Variants in CCSER1 observed in about 807,000 individuals in gnomAD.
CCSER1 encodes serine-rich coiled-coil domain-containing protein 1.
A neutral mutation model predicts 82.0 loss-of-function variants in CCSER1; 41 were observed. The ratio of observed to expected loss-of-function variants is 0.50; its 90% CI spans 0.39 to 0.65. The LOEUF is 0.65. Among genes scored for constraint, CCSER1 ranks in the 30% least tolerant of loss-of-function variants. The pLI is 0.00. For missense variants in CCSER1, 1,119 were observed against 1,064.2 expected (o/e 1.05, Z -0.72); for synonymous variants, 414 against 383.9 (o/e 1.08, Z -0.92).
intron 1 of CCSER1, among the ~76,000 whole-genome samples, chr4:90,292,002 G>A (rs746758266): frequency 7.2e-5 from 11 of 151,814 alleles, no homozygotes; most frequent in Non-Finnish European, 1.2e-4. Flanking sequence ...AAAACATTAA[G>A]TAATAGCAGA....
chr4:90,709,428 C>G (rs575603653), intron 6 of CCSER1, among the ~76,000 whole-genome samples: 16 of 152,008 alleles, frequency 1.1e-4, no homozygotes, highest in Non-Finnish European at 1.9e-4. Flanking sequence ...CTGATACTCT[C>G]TTCCCGCTCA....
chr4:91,542,979 G>T (rs1275469955), intron 10 of CCSER1, among the ~76,000 whole-genome samples: 2 of 152,102 alleles, frequency 1.3e-5, no homozygotes, highest in African/African-American at 4.8e-5. Flanking sequence ...ATGAATCTGG[G>T]TGCTCCTGTA....
chr4:90,665,053 G>A (rs1731475435), intron 6 of CCSER1, among the ~76,000 whole-genome samples: 1 of 152,000 alleles, frequency 6.6e-6, no homozygotes, highest in South Asian at 2.1e-4. Flanking sequence ...CTTGTTTAGT[G>A]AACTTATTTT....
intron 9 of CCSER1, among the ~76,000 whole-genome samples, chr4:90,966,552 C>T (rs141473052): frequency 2.0e-3 from 306 of 152,072 alleles, no homozygotes; most frequent in Middle Eastern, 6.8e-3. Context: ...AAAAACTGCG[C>T]GAATTCATTG....
At chr4:91,329,321 T>C (rs1746784515) in intron 10 of CCSER1, among the ~76,000 whole-genome samples, 1 of 152,238 alleles carries the variant, frequency 6.6e-6, no homozygotes, top group South Asian at 2.1e-4. Context: ...TAATTTCTGA[T>C]GCTGTGTGTT....
chr4:91,160,675 T>C (rs1731295160), intron 10 of CCSER1, among the ~76,000 whole-genome samples: 1 of 152,244 alleles, frequency 6.6e-6, no homozygotes, highest in African/African-American at 2.4e-5. Flanking sequence ...CATATGTCGA[T>C]TGGCTGCATA....
chr4:91,600,252 T>G lies in CCSER1; in HGVS notation c.*1195T>G, dbSNP rs1400866034. Reference sequence around the variant, plus strand: ...AATATGTTATATACTTATGTGCACTTTAGATCAATATATGAATTGATCTAT... The same window carrying G: ...AATATGTTATATACTTATGTGCACTGTAGATCAATATATGAATTGATCTAT... On this transcript the variant is annotated 3_prime_UTR_variant, in exon 11 of 11. Transcript: ENST00000509176. The G allele has an allele frequency of 6.6e-6, 1 of 152,194 alleles. No homozygotes were observed. Among genetic ancestry groups the G allele is most frequent in the Non-Finnish European group, 1.5e-5 (1 of 68,018 alleles). 9.4% of individuals were successfully genotyped at this position (152,194 alleles called of 1,614,324 possible).
intron 10 of CCSER1, among the ~76,000 whole-genome samples, chr4:91,572,223 A>G (rs1763220399): frequency 6.6e-6 from 1 of 152,120 alleles, no homozygotes. Context: ...TAGTCACTTC[A>G]AATTTTCCCA....
At chr4:90,552,789 T>C (rs534184061) in intron 5 of CCSER1, among the ~76,000 whole-genome samples, 3 of 152,306 alleles carry the variant, frequency 2.0e-5, no homozygotes, top group African/African-American at 4.8e-5. Flanking sequence ...TTTTGCGTAC[T>C]AGTCTTGTAG....
intron 10 of CCSER1, chr4:91,319,044 TC>T: frequency 4.7e-6 from 1 of 212,912 alleles, no homozygotes. Context: ...TTTAGGTTCC[TC>T]CAGTGTCCAT....
intron 3 of CCSER1, among the ~76,000 whole-genome samples, chr4:90,327,222 A>G (rs563278661): frequency 1.6e-4 from 24 of 152,186 alleles, no homozygotes; most frequent in African/African-American, 4.8e-4. Context: ...GCTCTCCTCA[A>G]AATATCTGTT....
intron 10 of CCSER1, among the ~76,000 whole-genome samples, chr4:91,288,065 T>TATATATATATACACTCATATATATATAGG (rs1743428038): frequency 2.0e-5 from 3 of 147,672 alleles, no homozygotes; most frequent in East Asian, 2.0e-4. Flanking sequence ...ATTTAGGATA[T>TATATATATATACACTCATATATATATAGG]ATATATATAT....
Position 91,191,850 on chromosome 4 carries a change from A to G in CCSER1, c.2217+105856A>G, listed in dbSNP as rs140361860. Reference sequence around the variant, plus strand: ...TCTTTTCAATTCTGATAACTACTCAATCTTCTTTTAGTAAATTCCTTTTCT... The same window carrying G: ...TCTTTTCAATTCTGATAACTACTCAGTCTTCTTTTAGTAAATTCCTTTTCT... On this transcript the variant is annotated intron_variant, in intron 10 of 10. Transcript: ENST00000509176. Among the ~76,000 whole-genome samples, 8 of 152,206 alleles carry G rather than the reference A, an allele frequency of 5.3e-5. No homozygotes were observed. The East Asian group carries it at 1.5e-3, about 29-fold the overall frequency.
At chr4:90,598,734 G>A (rs554204771) in intron 5 of CCSER1, among the ~76,000 whole-genome samples, 21 of 152,218 alleles carry the variant, frequency 1.4e-4, no homozygotes, top group African/African-American at 4.8e-4. Flanking sequence ...TCATAGAGGG[G>A]TGGTGTGGTG....
At chr4:90,563,914 C>T (rs898143272) in intron 5 of CCSER1, among the ~76,000 whole-genome samples, 10 of 152,204 alleles carry the variant, frequency 6.6e-5, no homozygotes, top group Non-Finnish European at 1.3e-4. Flanking sequence ...AGTGTGCTAG[C>T]GTTGCCTTTT....
intron 9 of CCSER1, among the ~76,000 whole-genome samples, chr4:91,049,883 G>C (rs1466151178): frequency 2.0e-5 from 3 of 152,100 alleles, no homozygotes; most frequent in Non-Finnish European, 2.9e-5. Flanking sequence ...ATCTTTGACG[G>C]GTAGAACACA....
Position 90,374,988 on chromosome 4 carries a change from A to C in CCSER1, c.1510-25048A>C, listed in dbSNP as rs555128508. On this transcript the variant is annotated intron_variant, in intron 3 of 10. Transcript: ENST00000509176. The stretch of plus-strand genomic sequence containing the variant: ...GAATGGGCTCCTAAATAATCAACTC[A>C]AAAATAATTCTCACTCTACTCCCTT... Among the ~76,000 whole-genome samples, 26 of 152,312 alleles carry C rather than the reference A, an allele frequency of 1.7e-4. No homozygotes were observed. The South Asian group carries it at 3.5e-3, about 21-fold the overall frequency.
At chr4:91,001,757 T>C (rs917106409) in intron 9 of CCSER1, among the ~76,000 whole-genome samples, 2 of 152,208 alleles carry the variant, frequency 1.3e-5, no homozygotes, top group Admixed American at 1.3e-4. Flanking sequence ...TTACATTCAT[T>C]GTTAGTATTG....
chr4:91,412,203 A>G (rs1006456113), intron 10 of CCSER1, among the ~76,000 whole-genome samples: 7 of 151,950 alleles, frequency 4.6e-5, no homozygotes, highest in Non-Finnish European at 4.4e-5. Context: ...CCCCCTGTAA[A>G]TATATCTATA....
Sources: gnomAD v4.1 joint callset for allele counts (sites outside exome capture counted in the v4.1 genomes callset) on GRCh38, gnomAD v4.1.1 for gene constraint, MANE v1.5 for transcripts, NCBI Gene and HGNC (gene_info 2026-07-23, HGNC 2026-07-21) for gene names.